The following RALA variants were observed in gnomAD, a reference collection of about 807,000 sequenced individuals.
The protein encoded by RALA is ras-related protein Ral-A.
Under a neutral mutation model 24.0 loss-of-function variants are expected in RALA, and 5 were observed. The ratio of observed to expected loss-of-function variants is 0.21; its 90% CI spans 0.11 to 0.44. The LOEUF is 0.44. Among genes scored for constraint, RALA ranks in the 20% least tolerant of loss-of-function variants. The pLI is 0.99. For synonymous variants in RALA, 77 were observed against 83.8 expected (o/e 0.92, Z 0.44); for missense variants, 95 against 241.2 (o/e 0.39, Z 4.01).
chr7:39,670,838 A>G (rs184580663), intron 1 of RALA, among the ~76,000 whole-genome samples: 1 of 152,092 alleles, frequency 6.6e-6, no homozygotes, highest in Admixed American at 6.5e-5. Flanking sequence ...TTCTTAAGCT[A>G]CTCTCAGATT....
At chr7:39,675,951 G>A (rs1332064398) in intron 1 of RALA, among the ~76,000 whole-genome samples, 1 of 151,826 alleles carries the variant, frequency 6.6e-6, no homozygotes, top group East Asian at 1.9e-4. Context: ...ATAATGATTT[G>A]ATAGGGGCAG....
At chr7:39,687,633 C>T (rs887957404) in intron 2 of RALA, among the ~76,000 whole-genome samples, 2 of 152,122 alleles carry the variant, frequency 1.3e-5, no homozygotes, top group South Asian at 2.1e-4. Context: ...TAGTCTTTCC[C>T]TGCAGGAATG....
chr7:39,629,677 C>T (rs1157480879), intron 1 of RALA, among the ~76,000 whole-genome samples: 2 of 152,194 alleles, frequency 1.3e-5, no homozygotes, highest in Non-Finnish European at 2.9e-5. Flanking sequence ...CTCACTGCAA[C>T]CTCTGCCTCC....
intron 1 of RALA, among the ~76,000 whole-genome samples, chr7:39,638,085 T>A (rs1791714959): frequency 6.6e-6 from 1 of 152,132 alleles, no homozygotes; most frequent in African/African-American, 2.4e-5. Flanking sequence ...TTTTTTAAAA[T>A]TTTATTTTAA....
chr7:39,624,310 GT>G (rs35116603), intron 1 of RALA: 9,271 of 138,274 alleles, frequency 0.067, 358 homozygotes, highest in Non-Finnish European at 0.088. Context: ...GTTTGTTTGT[GT>G]TTTTTTTTTT....
chr7:39,640,068 G>A (rs967173347), intron 1 of RALA, among the ~76,000 whole-genome samples: 3 of 152,042 alleles, frequency 2.0e-5, no homozygotes, highest in Admixed American at 2.0e-4. Context: ...TTTGTTTTGA[G>A]ACAGGGCCTT....
At chr7:39,667,460 C>T (rs1038714023) in intron 1 of RALA, among the ~76,000 whole-genome samples, 2 of 152,196 alleles carry the variant, frequency 1.3e-5, no homozygotes, top group African/African-American at 4.8e-5. Flanking sequence ...TTGTAGAAGA[C>T]AGAAGACAGA....
intron 1 of RALA, among the ~76,000 whole-genome samples, chr7:39,626,060 A>G (rs949966656): frequency 6.6e-6 from 1 of 152,238 alleles, no homozygotes; most frequent in Non-Finnish European, 1.5e-5. Flanking sequence ...TGAAGGAGAC[A>G]GTTTATGATT....
At chr7:39,678,366 C>T (rs146391114) in intron 1 of RALA, among the ~76,000 whole-genome samples, 2 of 152,134 alleles carry the variant, frequency 1.3e-5, no homozygotes, top group Non-Finnish European at 2.9e-5. Flanking sequence ...TCCATAGCCT[C>T]AGCACCTAGC....
chr7:39,636,439 G>T (rs1791685687), intron 1 of RALA, among the ~76,000 whole-genome samples: 1 of 152,052 alleles, frequency 6.6e-6, no homozygotes, highest in Admixed American at 6.5e-5. Context: ...CATCTGCTGG[G>T]ATACTTTGAG....
chr7:39,645,734 A>G (rs571450951), intron 1 of RALA, among the ~76,000 whole-genome samples: 2 of 152,360 alleles, frequency 1.3e-5, no homozygotes, highest in Non-Finnish European at 2.9e-5. Context: ...GAACAAGGAA[A>G]GCTTTCCATA....
intron 1 of RALA, among the ~76,000 whole-genome samples, chr7:39,662,677 C>T (rs1326445429): frequency 6.6e-6 from 1 of 152,320 alleles, no homozygotes; most frequent in Admixed American, 6.5e-5. Flanking sequence ...TCATTATCAG[C>T]ATTTGAGTCC....
At chr7:39,661,631 C>A (rs780921496) in intron 1 of RALA, among the ~76,000 whole-genome samples, 1 of 152,202 alleles carries the variant, frequency 6.6e-6, no homozygotes, top group Non-Finnish European at 1.5e-5. Context: ...GGTGGGTTCC[C>A]ATGGTCTTGG....
intron 1 of RALA, among the ~76,000 whole-genome samples, chr7:39,667,281 C>A (rs966407904): frequency 3.9e-5 from 6 of 152,192 alleles, no homozygotes; most frequent in African/African-American, 1.4e-4. Flanking sequence ...AACTCAAGTT[C>A]ATGGTAATGA....
intron 1 of RALA, among the ~76,000 whole-genome samples, chr7:39,659,002 G>A (rs959604171): frequency 3.3e-5 from 5 of 152,214 alleles, no homozygotes; most frequent in African/African-American, 4.8e-5. Context: ...GATATGGACC[G>A]GGTGTGATGT....
At chr7:39,681,921 T>C (rs1792610395) in intron 1 of RALA, among the ~76,000 whole-genome samples, 2 of 152,232 alleles carry the variant, frequency 1.3e-5, no homozygotes, top group Non-Finnish European at 2.9e-5. Flanking sequence ...ATCTTAGGTA[T>C]AGATGCCTAA....
At chr7:39,676,277 T>A (rs117467174) in intron 1 of RALA, among the ~76,000 whole-genome samples, 9,409 of 152,220 alleles carry the variant, frequency 0.062, 375 homozygotes, top group Non-Finnish European at 0.087. Flanking sequence ...ACCCAGCCGA[T>A]CATAAGCCTT....
intron 1 of RALA, among the ~76,000 whole-genome samples, chr7:39,655,779 T>G (rs1202398930): frequency 6.6e-6 from 1 of 152,198 alleles, no homozygotes; most frequent in African/African-American, 2.4e-5. Context: ...TTCACTTTGC[T>G]TATTATAATT....
chr7:39,673,977 C>G lies in RALA; in HGVS notation c.-37-12654C>G, dbSNP rs570609081. 3.7e-4 allele frequency among the ~76,000 whole-genome samples: 56 copies of G among 151,688 alleles called. 1 individual carries two copies. Among genetic ancestry groups the G allele is most frequent in the Admixed American group, 3.6e-3 (55 of 15,208 alleles). ...CAGGCAACATAGTGAGACCTCGTCT[C>G]TACTAAAAATTCAACAAAGAAAATT... On this transcript the variant is annotated intron_variant, in intron 1 of 4. Coordinates refer to ENST00000005257, the MANE Select transcript of RALA (RefSeq NM_005402.4).
Sources: allele counts gnomAD v4.1 joint callset (sites outside exome capture counted in the v4.1 genomes callset), GRCh38; gene constraint gnomAD v4.1.1; transcripts MANE v1.5; gene names NCBI Gene and HGNC (gene_info 2026-07-23, HGNC 2026-07-21).